RPE: variants seen among roughly 807,000 people sequenced by gnomAD.
RPE encodes the protein ribulose-phosphate 3-epimerase.
Under a neutral mutation model 24.6 loss-of-function variants are expected in RPE, and 16 were observed. The ratio of observed to expected loss-of-function variants is 0.65; its 90% confidence interval spans 0.44 to 0.99. The LOEUF is 0.99. Among genes scored for constraint, RPE ranks in the 50% least tolerant of loss-of-function variants. The pLI is 0.00. For missense variants in RPE, 240 were observed against 294.5 expected (o/e 0.81, Z 1.35); for synonymous variants, 93 against 98.4 (o/e 0.94, Z 0.33).
Position 210,008,440 on chromosome 2 carries a change from C to T in RPE, c.123-1217C>T, listed in dbSNP as rs549622290. On this transcript the variant is annotated intron_variant, in intron 1 of 5. Coordinates refer to ENST00000359429, the MANE Select transcript of RPE (RefSeq NM_199229.3). ...CCTCCTGAGTATCTGGGATTATAGACGCACGCCACCACACCCAGCTAATTT... is the reference window on the plus strand; with the variant it reads ...CCTCCTGAGTATCTGGGATTATAGATGCACGCCACCACACCCAGCTAATTT... Among the ~76,000 whole-genome samples, 497 of 151,216 alleles carry T rather than the reference C, an allele frequency of 3.3e-3. 2 individuals carry two copies. The highest frequency in any genetic ancestry group is 6.9e-3 in the Middle Eastern group (2 of 290).
chr2:210,012,683 A>G (rs1168523757), intron 2 of RPE, among the ~76,000 whole-genome samples: 1 of 152,222 alleles, frequency 6.6e-6, no homozygotes, highest in East Asian at 1.9e-4. Flanking sequence ...TATTTTAATG[A>G]CATTTAAAAA....
intron 1 of RPE, among the ~76,000 whole-genome samples, chr2:210,003,841 C>G (rs2093595662): frequency 6.6e-6 from 1 of 152,098 alleles, no homozygotes; most frequent in East Asian, 1.9e-4. Context: ...AGAGTTTTAT[C>G]TTCCATTGCT....
rs111518714 is a variant in RPE at position 210,007,286 on chromosome 2, A to G, written c.123-2371A>G. On this transcript the variant is annotated intron_variant, in intron 1 of 5. Transcript: ENST00000359429. ...CATCTAACTGTGAGACCTTAAACAT[A>G]GTTTGTATTTTAACTCCCCTCCCAC... 3.7e-3 allele frequency among the ~76,000 whole-genome samples: 561 copies of G among 152,310 alleles called. 6 individuals carry two copies. Among genetic ancestry groups the G allele is most frequent in the African/African-American group, 0.013 (530 of 41,560 alleles).
At chr2:210,019,404 A>G (rs1300447931) in intron 5 of RPE, among the ~76,000 whole-genome samples, 2 of 152,222 alleles carry the variant, frequency 1.3e-5, no homozygotes, top group African/African-American at 4.8e-5. Flanking sequence ...GGTCGCAAAG[A>G]TACCATGTAG....
intron 2 of RPE, among the ~76,000 whole-genome samples, chr2:210,009,967 G>A (rs1489940610): frequency 6.6e-6 from 1 of 152,160 alleles, no homozygotes; most frequent in African/African-American, 2.4e-5. Flanking sequence ...TGGGCCTCAA[G>A]TCATTTGTCA....
Position 210,020,591 on chromosome 2 carries a change from A to G in RPE, c.*800A>G, listed in dbSNP as rs773190040. On this transcript the variant is annotated 3_prime_UTR_variant, in exon 6 of 6. Transcript: ENST00000359429. Reference sequence around the variant, plus strand: ...TAAAGTCATTTATACATTAAATGTAATTATAGCAACTGTGGGGTTCTGTTG... The same window carrying G: ...TAAAGTCATTTATACATTAAATGTAGTTATAGCAACTGTGGGGTTCTGTTG... 8.3e-4 allele frequency: 138 copies of G among 166,908 alleles called. 1 individual carries two copies. The highest frequency in any genetic ancestry group is 1.7e-3 in the Non-Finnish European group (116 of 68,064). 10.3% of individuals were successfully genotyped at this position (166,908 alleles called of 1,614,324 possible). A position where few individuals can be genotyped will look rare whatever the true frequency, so the allele number is the denominator to read the frequency against.
At chr2:210,015,874 A>T in intron 2 of RPE, 99 bp from the exon 3 acceptor site, 1 of 1,206,326 alleles carries the variant, frequency 8.3e-7, no homozygotes, top group Non-Finnish European at 1.2e-6. Flanking sequence ...ATGGCCAAAG[A>T]GTTCTTATCA....
chr2:210,018,425 A>G (rs2093809515), intron 5 of RPE: 1 of 983,404 alleles, frequency 1.0e-6, no homozygotes. Flanking sequence ...TAGCTAGTCT[A>G]GCATAGTCAG....
chr2:210,007,678 A>G (rs2093647822), intron 1 of RPE, among the ~76,000 whole-genome samples: 1 of 152,082 alleles, frequency 6.6e-6, no homozygotes, highest in Non-Finnish European at 1.5e-5. Context: ...TATTTTGTAA[A>G]TCTCATGAAC....
intron 5 of RPE, chr2:210,018,770 T>G: frequency 1.2e-6 from 1 of 848,554 alleles, no homozygotes; most frequent in Non-Finnish European, 1.4e-6. Flanking sequence ...AACAGCAGGA[T>G]ATGAAGAACT....
rs1157337472 is a variant in RPE at position 210,016,581 on chromosome 2, G to C, written c.417G>C (p.Leu139Phe). 2 of 1,614,232 alleles carry C rather than the reference G, an allele frequency of 1.2e-6. No homozygotes were observed. The highest frequency in any genetic ancestry group is 1.7e-6 in the Non-Finnish European group (2 of 1,180,036). The change falls in exon 4 of 6, where the codon TTG becomes TTC. Residue 139 changes from leucine to phenylalanine, a missense_variant. By Grantham distance (22) the Leu-to-Phe change is conservative. Transcript: ENST00000359429. Reference protein sequence around the residue: ...APWANQIDMALVMTVEPGFGG... With the variant: ...APWANQIDMAFVMTVEPGFGG... ...GGGCTAATCAGATAGATATGGCCTTGGTTATGACAGTGGAACCGGGGTTTG... is the reference window on the plus strand; with the variant it reads ...GGGCTAATCAGATAGATATGGCCTTCGTTATGACAGTGGAACCGGGGTTTG...
rs1048489035 is a variant in RPE, at chr2:210,003,495, A to T, written c.122+712A>T. On this transcript the variant is annotated intron_variant, in intron 1 of 5. Coordinates refer to ENST00000359429, the MANE Select transcript of RPE (RefSeq NM_199229.3). ...TAAGTAATTTTTAAGCACCGTAGTT[A>T]CAGCACATAATATTGTTTGGAGTCA... is the stretch of plus-strand genomic sequence containing the variant. 125 of 1,267,276 alleles carry T rather than the reference A, an allele frequency of 9.9e-5. No individual in the cohort carries two copies. In the Admixed American group the frequency reaches 2.9e-3, roughly 29 times the overall value. The allele number at this position is 1,267,276 out of a possible 1,614,324, so 78.5% of individuals were successfully genotyped here.
chr2:210,017,420 C>CCCCCCCACAAAA, intron 4 of RPE, 53 bp from the exon 5 acceptor site: 1 of 979,488 alleles, frequency 1.0e-6, no homozygotes, highest in Non-Finnish European at 1.5e-6. Context: ...CACCCCCACC[C>CCCCCCCACAAAA]CCACCAACAT....
In RPE at chr2:210,020,736, C is replaced by CT. The variant is rs2093844446; in HGVS notation, c.*948dup. On this transcript the variant is annotated 3_prime_UTR_variant, in exon 6 of 6. Transcript: ENST00000359429. ...TTATATTTTTGTGAGTTATAAAGTACTTTGATATATTCTCATTAAATCTGT... is the reference window on the plus strand; with the variant it reads ...TTATATTTTTGTGAGTTATAAAGTACTTTTGATATATTCTCATTAAATCTGT... 1 of 163,658 alleles carries CT rather than the reference C, an allele frequency of 6.1e-6. No individual in the cohort carries two copies. Among genetic ancestry groups the CT allele is most frequent in the African/African-American group, 2.4e-5 (1 of 41,386 alleles). The allele number at this position is 163,658 out of a possible 1,614,324, so 10.1% of individuals were successfully genotyped here. A position where few individuals can be genotyped will look rare whatever the true frequency, so the allele number is the denominator to read the frequency against.
chr2:210,012,391 ATTC>A (rs1421025980), intron 2 of RPE, among the ~76,000 whole-genome samples: 1 of 152,378 alleles, frequency 6.6e-6, no homozygotes, highest in Non-Finnish European at 1.5e-5. Flanking sequence ...ATCAGGAGTT[ATTC>A]TTCATCATCA....
At chr2:210,016,760 C>T (rs2093777820) in intron 4 of RPE, 119 bp downstream of exon 4, 2 of 1,370,440 alleles carry the variant, frequency 1.5e-6, no homozygotes, top group African/African-American at 1.4e-5. Context: ...GATGGGGATG[C>T]TTACAGATCA....
At chr2:210,010,113 C>T (rs1438141076) in intron 2 of RPE, among the ~76,000 whole-genome samples, 3 of 152,268 alleles carry the variant, frequency 2.0e-5, no homozygotes, top group Admixed American at 6.5e-5. Flanking sequence ...TCTCTGAGGG[C>T]GGGGATTGAA....
In RPE at chr2:210,016,468, A is replaced by G. The variant is rs779730858; in HGVS notation, c.343-39A>G. The G allele has an allele frequency of 5.6e-6, 9 of 1,613,594 alleles. No individual in the cohort carries two copies. In the Admixed American group the frequency reaches 1.2e-4, roughly 21 times the overall value. On this transcript the variant is annotated intron_variant, in intron 3 of 5. Coordinates refer to ENST00000359429, the MANE Select transcript of RPE (RefSeq NM_199229.3). ...TGCCACAATAATATAATACAGAAGTAATTGTAAATGTGATATAGCATATTT... is the reference window on the plus strand; with the variant it reads ...TGCCACAATAATATAATACAGAAGTGATTGTAAATGTGATATAGCATATTT...
chr2:210,009,237 A>G (rs1191926928), intron 1 of RPE, among the ~76,000 whole-genome samples: 1 of 152,194 alleles, frequency 6.6e-6, no homozygotes, highest in East Asian at 1.9e-4. Context: ...AGAAACTGTC[A>G]TTTAGTGCCT....
Sources: gnomAD v4.1 joint callset for allele counts (sites outside exome capture counted in the v4.1 genomes callset) on GRCh38, gnomAD v4.1.1 for gene constraint, MANE v1.5 for transcripts, NCBI Gene and HGNC (gene_info 2026-07-23, HGNC 2026-07-21) for gene names.